The following CADM2 variants were observed in gnomAD, a reference collection of about 807,000 sequenced individuals.
The protein encoded by CADM2 is immunoglobulin superfamily member 4D.
CADM2 carries 12 observed loss-of-function variants against 49.8 expected under a neutral mutation model. The observed-to-expected ratio is 0.24, with a 90% CI of 0.15 to 0.39. The LOEUF (loss-of-function observed/expected upper bound fraction) is 0.39. CADM2 is among the 10% of genes least tolerant of loss of function. The pLI, the probability that CADM2 is intolerant of heterozygous loss-of-function variation, is 1.00. For missense variants in CADM2, 378 were observed against 492.3 expected, an observed-to-expected ratio of 0.77 and a Z score of 2.20; for synonymous variants, 214 against 175.4, an observed-to-expected ratio of 1.22 and a Z score of -1.74.
chr3:85,087,732 CAT>C (rs1211792368), intron 1 of CADM2, among the ~76,000 whole-genome samples: 3 of 152,106 alleles, frequency 2.0e-5, no homozygotes, highest in Non-Finnish European at 4.4e-5. Flanking sequence ...TGAATGCACA[CAT>C]GTTGATAATA....
intron 1 of CADM2, among the ~76,000 whole-genome samples, chr3:85,572,689 G>T (rs144153453): frequency 6.6e-6 from 1 of 152,302 alleles, no homozygotes; most frequent in African/African-American, 2.4e-5. Flanking sequence ...TAGTCTTTAA[G>T]TCCTGGAGTC....
At chr3:85,820,871 G>T (rs998297105) in intron 3 of CADM2, among the ~76,000 whole-genome samples, 1 of 152,062 alleles carries the variant, frequency 6.6e-6, no homozygotes, top group African/African-American at 2.4e-5. Context: ...AGGTGAGGGG[G>T]AGACAGCACT....
chr3:85,300,315 G>A (rs2044064786), intron 1 of CADM2, among the ~76,000 whole-genome samples: 1 of 152,040 alleles, frequency 6.6e-6, no homozygotes, highest in Non-Finnish European at 1.5e-5. Flanking sequence ...ATAATACCCT[G>A]TTCGTAAGAA....
chr3:85,504,133 C>T (rs1267523493), intron 1 of CADM2, among the ~76,000 whole-genome samples: 1 of 151,928 alleles, frequency 6.6e-6, no homozygotes, highest in African/African-American at 2.4e-5. Context: ...GGAGTTTGTT[C>T]CTTCTGATGT....
chr3:86,017,864 T>C (rs1273766658), intron 8 of CADM2, among the ~76,000 whole-genome samples: 1 of 150,484 alleles, frequency 6.6e-6, no homozygotes, highest in African/African-American at 2.4e-5. Context: ...CTTTTATTTA[T>C]TTTATTTTAT....
intron 1 of CADM2, among the ~76,000 whole-genome samples, chr3:85,311,260 T>G (rs1289463848): frequency 6.6e-6 from 1 of 152,084 alleles, no homozygotes; most frequent in Non-Finnish European, 1.5e-5. Flanking sequence ...TAAAGCATGC[T>G]GTTTTGCTTT....
At chr3:85,228,169 C>G (rs941129958) in intron 1 of CADM2, among the ~76,000 whole-genome samples, 5 of 152,008 alleles carry the variant, frequency 3.3e-5, no homozygotes, top group Non-Finnish European at 4.4e-5. Flanking sequence ...GAATGTTGGC[C>G]TGCCTTGCTA....
At chr3:85,364,867 TACAACA>T (rs57254550) in intron 1 of CADM2, among the ~76,000 whole-genome samples, 26,649 of 147,162 alleles carry the variant, frequency 0.18, 2,681 homozygotes, top group Non-Finnish European at 0.22. Context: ...TGCTTGTTCC[TACAACA>T]ACAACAACAA....
chr3:85,613,087 C>T (rs1020655014), intron 1 of CADM2, among the ~76,000 whole-genome samples: 3 of 151,648 alleles, frequency 2.0e-5, no homozygotes, highest in African/African-American at 4.8e-5. Flanking sequence ...TAAACACACA[C>T]AGGAATAAGG....
At chr3:86,002,507 G>T (rs1730311529) in intron 8 of CADM2, among the ~76,000 whole-genome samples, 1 of 152,228 alleles carries the variant, frequency 6.6e-6, no homozygotes, top group Admixed American at 6.5e-5. Context: ...AGTTGTGAAA[G>T]GCCTCATTCA....
In CADM2 at chr3:85,063,545, G is replaced by T. The variant is rs1392295844; in HGVS notation, c.61+103877G>T. 2.6e-5 allele frequency among the ~76,000 whole-genome samples: 4 copies of T among 151,922 alleles called. No individual in the cohort carries two copies. The East Asian group carries it at 7.7e-4, about 29-fold the overall frequency. On this transcript the variant is annotated intron_variant, in intron 1 of 9. Transcript: ENST00000383699. The stretch of plus-strand genomic sequence containing the variant: ...ATCCAAGTATTTTGATCTTAAACAG[G>T]ATAAACTTATAAAATTTGAATTGTG...
intron 1 of CADM2, among the ~76,000 whole-genome samples, chr3:85,350,312 A>G (rs2031210911): frequency 6.6e-6 from 1 of 152,176 alleles, no homozygotes; most frequent in East Asian, 1.9e-4. Flanking sequence ...CTATGACAAA[A>G]CACATGTCTA....
chr3:85,499,951 A>C (rs1335301471), intron 1 of CADM2, among the ~76,000 whole-genome samples: 1 of 152,214 alleles, frequency 6.6e-6, no homozygotes. Context: ...AAAATATTGA[A>C]AGAATGAGTA....
chr3:85,428,176 G>A (rs925389473), intron 1 of CADM2, among the ~76,000 whole-genome samples: 2 of 150,650 alleles, frequency 1.3e-5, no homozygotes, highest in African/African-American at 4.9e-5. Flanking sequence ...TTGACCAAAA[G>A]TGTGTGTATA....
intron 1 of CADM2, among the ~76,000 whole-genome samples, chr3:85,039,696 C>A (rs138732323): frequency 6.6e-6 from 1 of 152,236 alleles, no homozygotes; most frequent in Non-Finnish European, 1.5e-5. Context: ...AATAATGAGA[C>A]CAGTAGGAAA....
intron 1 of CADM2, among the ~76,000 whole-genome samples, chr3:85,012,700 T>C (rs2034054426): frequency 6.6e-6 from 1 of 151,100 alleles, no homozygotes; most frequent in Non-Finnish European, 1.5e-5. Context: ...AATGAAGATA[T>C]TCCATATTTA....
At chr3:86,014,503 A>G in intron 8 of CADM2, 1 of 1,543,746 alleles carries the variant, frequency 6.5e-7, no homozygotes, top group East Asian at 2.3e-5. Flanking sequence ...CCTGGAAAAT[A>G]CCACAGTGTT....
intron 8 of CADM2, among the ~76,000 whole-genome samples, chr3:86,031,903 C>T (rs568035624): frequency 6.6e-6 from 1 of 151,618 alleles, no homozygotes; most frequent in South Asian, 2.1e-4. Flanking sequence ...ATTAATTACC[C>T]TAAATTGTAA....
intron 1 of CADM2, among the ~76,000 whole-genome samples, chr3:85,660,923 A>AG (rs997558348): frequency 8.5e-5 from 13 of 152,132 alleles, no homozygotes; most frequent in Non-Finnish European, 1.5e-4. Flanking sequence ...AAAAAAAAAA[A>AG]AAACAGAAGC....
Sources: gnomAD v4.1 joint callset for allele counts (sites outside exome capture counted in the v4.1 genomes callset) on GRCh38, gnomAD v4.1.1 for gene constraint, MANE v1.5 for transcripts, NCBI Gene and HGNC (gene_info 2026-07-23, HGNC 2026-07-21) for gene names.